IDH1: variants seen among roughly 807,000 people sequenced by gnomAD.
The protein encoded by IDH1 is isocitrate dehydrogenase [NADP] cytoplasmic.
IDH1 carries 33 observed loss-of-function variants against 46.1 expected under a neutral mutation model. The ratio of observed to expected loss-of-function variants is 0.72; its 90% confidence interval spans 0.54 to 0.96. IDH1 has a LOEUF of 0.96. Ranked by LOEUF, IDH1 falls within the 40% of genes least tolerant of loss-of-function variation. The probability of loss-of-function intolerance (pLI) is 0.00; values close to 1 mark genes in which losing one functional copy is unlikely to be tolerated. For synonymous variants in IDH1, 144 were observed against 172.8 expected (o/e 0.83, Z 1.31); for missense variants, 421 against 515.7 (o/e 0.82, Z 1.78).
intron 3 of IDH1, chr2:208,251,175 T>TA: frequency 5.6e-6 from 2 of 357,842 alleles, no homozygotes; most frequent in South Asian, 4.3e-5. Context: ...TATATCTATA[T>TA]AAAAAAAGCT....
chr2:208,243,649 A>G, intron 5 of IDH1, 45 bp from the exon 6 acceptor site: 1 of 1,500,068 alleles, frequency 6.7e-7, no homozygotes, highest in Non-Finnish European at 9.3e-7. Context: ...AGAAGAATAA[A>G]TGTAATGTAG....
intron 4 of IDH1, among the ~76,000 whole-genome samples, chr2:208,245,782 C>CG (rs1234650263): frequency 2.7e-5 from 1 of 37,468 alleles, no homozygotes; most frequent in Non-Finnish European, 8.0e-5. Context: ...GTATTAGACC[C>CG]CCCCCCCAAA....
At position 208,236,960 on chromosome 2, in the gene IDH1, G is replaced by A. The variant is rs1687822173; in HGVS notation, c.*119C>T. Reference sequence around the variant, plus strand: ...TAAACTTATAGAAAAGATAAACTCTGGCTTCTAAACAAATTACAAAATTGA... The same window carrying A: ...TAAACTTATAGAAAAGATAAACTCTAGCTTCTAAACAAATTACAAAATTGA... On this transcript the variant is annotated 3_prime_UTR_variant, in exon 10 of 10. Transcript: ENST00000345146. The A allele has an allele frequency of 1.5e-6, 1 of 661,702 alleles. No homozygotes were observed. Among genetic ancestry groups the A allele is most frequent in the African/African-American group, 1.8e-5 (1 of 54,868 alleles). 41.0% of individuals were successfully genotyped at this position (661,702 alleles called of 1,614,324 possible).
At position 208,248,637 on chromosome 2, in the gene IDH1, C is replaced by T. The variant is rs765848107; in HGVS notation, c.146G>A (p.Arg49His). 2.5e-5 allele frequency: 40 copies of T among 1,614,130 alleles called. No individual in the cohort carries two copies. The highest frequency in any genetic ancestry group is 2.9e-5 in the Non-Finnish European group (34 of 1,179,998). Residue 49 changes from arginine (R) to histidine (H), a missense_variant, in exon 4 of 10, where the codon CGT (arginine) becomes CAT (histidine). Physicochemically the swap from Arg to His is conservative, Grantham distance 29. Transcript: ENST00000345146. ...GGTGACTTGGTCGTTGGTGGCATCA[C>T]GATTCTCTATGCCTAAATCATAGCT... The part of the protein sequence containing the change: ...LHSYDLGIEN[R>H]DATNDQVTKD...
chr2:208,245,914 C>A (rs998544101), intron 4 of IDH1, among the ~76,000 whole-genome samples: 6 of 151,894 alleles, frequency 4.0e-5, no homozygotes, highest in African/African-American at 1.5e-4. Context: ...ATGCTTTGTC[C>A]TTACTCTATG....
At position 208,253,881 on chromosome 2, in the gene IDH1, C is replaced by G. The variant is rs1688166870; in HGVS notation, c.-17+5G>C. The G allele has an allele frequency of 6.6e-6, 1 of 152,220 alleles. No individual in the cohort carries two copies. Among genetic ancestry groups the G allele is most frequent in the Admixed American group, 6.5e-5 (1 of 15,282 alleles). 9.4% of individuals were successfully genotyped at this position (152,220 alleles called of 1,614,324 possible). ...GAAGAAGGGGGAAAATTTGCTAATT[C>G]TCACCTTGACAGTGAATAGATTTCT... On this transcript the variant is annotated splice_donor_5th_base_variant and intron_variant, in intron 2 of 9. Transcript: ENST00000345146.
At chr2:208,238,120 C>G (rs982763310) in intron 9 of IDH1, among the ~76,000 whole-genome samples, 4 of 150,492 alleles carry the variant, frequency 2.7e-5, no homozygotes, top group Admixed American at 2.6e-4. Flanking sequence ...ACTGCAAGCT[C>G]CGCCTCCCAG....
intron 3 of IDH1, 32 bp downstream of exon 3, chr2:208,251,398 G>C (rs2124867867): frequency 6.2e-6 from 10 of 1,610,710 alleles, no homozygotes; most frequent in Non-Finnish European, 8.5e-6. Context: ...TATCCTTTCT[G>C]AGTTTGCTAC....
At chr2:208,240,135 C>G (rs1175371149) in intron 7 of IDH1, 132 bp from the exon 8 acceptor site, 1 of 919,870 alleles carries the variant, frequency 1.1e-6, no homozygotes. Context: ...CATGGAATCA[C>G]CAATAATTCT....
Position 208,240,513 on chromosome 2 carries a change from G to T in IDH1, c.851-510C>A, listed in dbSNP as rs556946531. ...CTGTTCTGGGGAAATAAAGATGGAC[G>T]AGAGCTGTCTCTTAAGAACCCTCAA... is the stretch of plus-strand genomic sequence containing the variant. On this transcript the variant is annotated intron_variant, in intron 7 of 9. Transcript: ENST00000345146. 5.9e-5 allele frequency among the ~76,000 whole-genome samples: 9 copies of T among 152,124 alleles called. No homozygotes were observed. The South Asian group carries it at 1.9e-3, about 32-fold the overall frequency.
At position 208,251,488 on chromosome 2, in the gene IDH1, T is replaced by A. The variant is rs1170747681; in HGVS notation, c.64A>T (p.Ile22Phe). The A allele has an allele frequency of 6.2e-7, 1 of 1,613,938 alleles. No homozygotes were observed. The highest frequency in any genetic ancestry group is 8.5e-7 in the Non-Finnish European group (1 of 1,179,872). Residue 22 changes from isoleucine to phenylalanine, a missense_variant, in exon 3 of 10, where the codon ATT becomes TTT. Coordinates refer to ENST00000345146, the MANE Select transcript of IDH1 (RefSeq NM_005896.4). ...AGTTTCTCTTTAATCAATTCCCAAA[T>A]GATTCGTGTCATTTCATCTCCTTGC... ...EMQGDEMTRIIWELIKEKLIF... is the reference protein window; with the variant it reads ...EMQGDEMTRIFWELIKEKLIF...
chr2:208,244,945 A>C (rs1376088626), intron 5 of IDH1, among the ~76,000 whole-genome samples: 1 of 152,270 alleles, frequency 6.6e-6, no homozygotes, highest in African/African-American at 2.4e-5. Flanking sequence ...TCCAGATACA[A>C]GAGCCCTACC....
chr2:208,238,147 T>C (rs1162837583), intron 9 of IDH1, among the ~76,000 whole-genome samples: 2 of 151,110 alleles, frequency 1.3e-5, no homozygotes, highest in Non-Finnish European at 2.9e-5. Flanking sequence ...GCCATTCTCC[T>C]GCCTCAGCCT....
At position 208,236,859 on chromosome 2, in the gene IDH1, T is replaced by G. The variant is rs1164782718; in HGVS notation, c.*220A>C. ...GAATTCCTAGGCTGGTACTAGAAAA[T>G]AAAATAAAAATTGTAAAAAAGTCCC... On this transcript the variant is annotated 3_prime_UTR_variant, in exon 10 of 10. Transcript: ENST00000345146. 2 of 537,030 alleles carry G rather than the reference T, an allele frequency of 3.7e-6. No homozygotes were observed. Among genetic ancestry groups the G allele is most frequent in the Non-Finnish European group, 6.6e-6 (2 of 304,234 alleles). The allele number at this position is 537,030 out of a possible 1,614,324, so 33.3% of individuals were successfully genotyped here. A position where few individuals can be genotyped will look rare whatever the true frequency, so the allele number is the denominator to read the frequency against.
intron 9 of IDH1, among the ~76,000 whole-genome samples, chr2:208,238,407 A>G (rs1210306086): frequency 6.6e-6 from 1 of 152,226 alleles, no homozygotes; most frequent in Admixed American, 6.5e-5. Context: ...TATGGGGTAT[A>G]CTGACCCTAC....
At position 208,240,026 on chromosome 2, in the gene IDH1, C is replaced by T. The variant is rs538822402; in HGVS notation, c.851-23G>A. 3.5e-5 allele frequency: 56 copies of T among 1,613,964 alleles called. 1 individual carries two copies. The East Asian group carries it at 6.0e-4, about 17-fold the overall frequency. The stretch of plus-strand genomic sequence containing the variant: ...ACCCTGTAAGTAGTGGAGCATGAAG[C>T]GTTGGGTCCAACTGCATGAAGAGCA... On this transcript the variant is annotated intron_variant, in intron 7 of 9. Coordinates refer to ENST00000345146, the MANE Select transcript of IDH1 (RefSeq NM_005896.4).
At position 208,245,385 on chromosome 2, in the gene IDH1, C is replaced by CT. The variant is rs776463533; in HGVS notation, c.453dup (p.Val152SerfsTer9). 3.7e-6 allele frequency: 6 copies of CT among 1,612,270 alleles called. No individual in the cohort carries two copies. In the South Asian group the frequency reaches 6.6e-5, roughly 18 times the overall value. On this transcript the variant is annotated frameshift_variant, in exon 5 of 10. Coordinates refer to ENST00000345146, the MANE Select transcript of IDH1 (RefSeq NM_005896.4). LOFTEE classifies it high-confidence loss of function. ...TCACTTGGTGTGTAGGTTATCTCTA[C>CT]TTTTCCAGGCCCAGGAACAACAAAA...
At chr2:208,246,700 A>G (rs1688028822) in intron 4 of IDH1, among the ~76,000 whole-genome samples, 1 of 151,356 alleles carries the variant, frequency 6.6e-6, no homozygotes, top group Admixed American at 6.6e-5. Context: ...GCACTTTGGG[A>G]GGCGGAGGCG....
chr2:208,248,582 A>T lies in IDH1; in HGVS notation c.201T>A (p.His67Gln), dbSNP rs1270625981. 6.2e-7 allele frequency: 1 copy of T among 1,614,160 alleles called. No individual in the cohort carries two copies. The highest frequency in any genetic ancestry group is 1.3e-5 in the African/African-American group (1 of 75,054). The part of the protein sequence containing the change: ...TKDAAEAIKK[H>Q]NVGVKCATIT... ...TAGTGGCACATTTGACGCCAACATT[A>T]TGCTTCTTTATAGCTTCTGCAGCAT... Residue 67 changes from histidine (H) to glutamine (Q), a missense_variant, in exon 4 of 10, where the codon CAT (histidine) becomes CAA (glutamine). By Grantham distance (24) the His-to-Gln change is conservative. Coordinates refer to ENST00000345146, the MANE Select transcript of IDH1 (RefSeq NM_005896.4).
Sources: gnomAD v4.1 joint callset for allele counts (sites outside exome capture counted in the v4.1 genomes callset) on GRCh38, gnomAD v4.1.1 for gene constraint, MANE v1.5 for transcripts, NCBI Gene and HGNC (gene_info 2026-07-23, HGNC 2026-07-21) for gene names.